The following ARL8B variants were observed in gnomAD, a reference collection of about 807,000 sequenced individuals.
ARL8B encodes the protein ADP-ribosylation factor-like protein 8B.
Under a neutral mutation model 30.6 loss-of-function variants are expected in ARL8B, and 9 were observed. The observed-to-expected ratio is 0.29, with a 90% CI of 0.18 to 0.51. The LOEUF (loss-of-function observed/expected upper bound fraction) is 0.51, where lower values mean the gene tolerates loss of function less well. Among genes scored for constraint, ARL8B ranks in the 20% least tolerant of loss-of-function variants. The pLI is 0.97. For synonymous variants in ARL8B, 74 were observed against 76.0 expected, an observed-to-expected ratio of 0.97 and a Z score of 0.14; for missense variants, 130 against 227.2, an observed-to-expected ratio of 0.57 and a Z score of 2.75.
At chr3:5,136,590 A>G (rs972857972) in intron 1 of ARL8B, among the ~76,000 whole-genome samples, 6 of 152,194 alleles carry the variant, frequency 3.9e-5, no homozygotes, top group African/African-American at 1.4e-4. Context: ...ACTAGCTGTT[A>G]GTACTACCCT....
chr3:5,133,711 T>C (rs1376503599), intron 1 of ARL8B, among the ~76,000 whole-genome samples: 1 of 152,090 alleles, frequency 6.6e-6, no homozygotes, highest in Non-Finnish European at 1.5e-5. Flanking sequence ...GTGGATCCTT[T>C]GAGCTCAGGA....
At chr3:5,132,836 A>G (rs1356940059) in intron 1 of ARL8B, among the ~76,000 whole-genome samples, 1 of 152,208 alleles carries the variant, frequency 6.6e-6, no homozygotes, top group Non-Finnish European at 1.5e-5. Flanking sequence ...TAGGAGAGGA[A>G]TATTAAGTGC....
intron 6 of ARL8B, among the ~76,000 whole-genome samples, chr3:5,178,339 A>C (rs958069454): frequency 9.7e-5 from 14 of 144,196 alleles, no homozygotes; most frequent in Non-Finnish European, 1.8e-4. Flanking sequence ...GAGGGCAAAC[A>C]GGGGTTATTC....
chr3:5,151,790 C>T (rs1340602040), intron 1 of ARL8B, among the ~76,000 whole-genome samples: 1 of 134,632 alleles, frequency 7.4e-6, no homozygotes, highest in Non-Finnish European at 1.5e-5. Flanking sequence ...GTGATCACGG[C>T]TGGCTGCACC....
intron 1 of ARL8B, among the ~76,000 whole-genome samples, chr3:5,126,117 C>CT (rs75985076): frequency 1.4e-3 from 204 of 145,816 alleles, no homozygotes; most frequent in African/African-American, 2.1e-3. Flanking sequence ...GAATTTCATA[C>CT]TTTTTTTTTT....
At chr3:5,150,700 TTGAACCCGGGAGGGGAAGCTTGCAG>T (rs1172435720) in intron 1 of ARL8B, among the ~76,000 whole-genome samples, 1 of 152,152 alleles carries the variant, frequency 6.6e-6, no homozygotes, top group African/African-American at 2.4e-5. Flanking sequence ...GGAGAATCAC[TTGAACCCGGGAGGGGAAGCTTGCAG>T]TGAGCCAGGA....
At chr3:5,167,496 C>G (rs976864664) in intron 1 of ARL8B, among the ~76,000 whole-genome samples, 7 of 152,120 alleles carry the variant, frequency 4.6e-5, no homozygotes, top group Non-Finnish European at 1.0e-4. Context: ...CACTGGGGTT[C>G]TTGGAACGTA....
intron 6 of ARL8B, among the ~76,000 whole-genome samples, chr3:5,177,293 A>G (rs966315324): frequency 1.3e-5 from 2 of 152,210 alleles, no homozygotes; most frequent in Non-Finnish European, 2.9e-5. Flanking sequence ...GATCCAGTCT[A>G]ATAAGATCCA....
At chr3:5,127,961 G>T (rs892411928) in intron 1 of ARL8B, among the ~76,000 whole-genome samples, 9 of 149,702 alleles carry the variant, frequency 6.0e-5, no homozygotes, top group South Asian at 4.2e-4. Flanking sequence ...AGGCCAAGGC[G>T]GCCGGATCAT....
chr3:5,177,458 TC>T (rs1330392449), intron 6 of ARL8B, among the ~76,000 whole-genome samples: 1 of 151,764 alleles, frequency 6.6e-6, no homozygotes, highest in Non-Finnish European at 1.5e-5. Context: ...TTAGTGAATT[TC>T]TTTTTTTTTT....
chr3:5,125,326 T>A (rs2054221048), intron 1 of ARL8B, among the ~76,000 whole-genome samples: 1 of 152,192 alleles, frequency 6.6e-6, no homozygotes, highest in African/African-American at 2.4e-5. Flanking sequence ...TGAAAAATAC[T>A]GAGAAGGGAC....
chr3:5,143,825 T>C (rs2054396848), intron 1 of ARL8B, among the ~76,000 whole-genome samples: 1 of 152,200 alleles, frequency 6.6e-6, no homozygotes, highest in African/African-American at 2.4e-5. Flanking sequence ...TTCTTAAGAA[T>C]TGATCCTTGG....
At chr3:5,159,214 C>G (rs1372514765) in intron 1 of ARL8B, among the ~76,000 whole-genome samples, 2 of 151,148 alleles carry the variant, frequency 1.3e-5, no homozygotes, top group African/African-American at 4.9e-5. Context: ...GAGGGAGGAT[C>G]CCCCGAGCCC....
In ARL8B at chr3:5,130,704, T is replaced by G. The variant is rs185315563; in HGVS notation, c.123+8116T>G. On this transcript the variant is annotated intron_variant, in intron 1 of 6. Transcript: ENST00000256496. ...GCTTGCGCCACTACGCCTGGCTATT[T>G]TTTGTATTTTTAGTAGAGATGGGGT... 1.3e-4 allele frequency among the ~76,000 whole-genome samples: 20 copies of G among 151,916 alleles called. No individual in the cohort carries two copies. The East Asian group carries it at 3.9e-3, about 30-fold the overall frequency.
chr3:5,164,721 G>A (rs6789619), intron 1 of ARL8B, among the ~76,000 whole-genome samples: 1,611 of 152,224 alleles, frequency 0.011, 24 homozygotes, highest in African/African-American at 0.036. Flanking sequence ...ATTTTTGTCA[G>A]TTGACCCAAT....
intron 1 of ARL8B, among the ~76,000 whole-genome samples, chr3:5,152,734 C>G (rs1394621931): frequency 6.6e-6 from 1 of 152,218 alleles, no homozygotes; most frequent in Non-Finnish European, 1.5e-5. Flanking sequence ...GATCCTCCTT[C>G]CTAGGCCTCT....
intron 1 of ARL8B, among the ~76,000 whole-genome samples, chr3:5,125,266 C>G (rs984060771): frequency 1.2e-4 from 18 of 152,098 alleles, no homozygotes; most frequent in Admixed American, 2.0e-4. Flanking sequence ...TAGATGGTAA[C>G]TGTTGTTATT....
At chr3:5,132,791 G>C (rs1276519984) in intron 1 of ARL8B, among the ~76,000 whole-genome samples, 1 of 152,164 alleles carries the variant, frequency 6.6e-6, no homozygotes, top group African/African-American at 2.4e-5. Context: ...AAATGTACCA[G>C]ACAAGGTCAT....
At chr3:5,160,828 A>G (rs928305732) in intron 1 of ARL8B, among the ~76,000 whole-genome samples, 3 of 152,236 alleles carry the variant, frequency 2.0e-5, no homozygotes, top group African/African-American at 7.2e-5. Flanking sequence ...CGTTGTTCCC[A>G]TTCAAAAAGA....
Sources: gnomAD v4.1 joint callset for allele counts (sites outside exome capture counted in the v4.1 genomes callset) on GRCh38, gnomAD v4.1.1 for gene constraint, MANE v1.5 for transcripts, NCBI Gene and HGNC (gene_info 2026-07-23, HGNC 2026-07-21) for gene names.